The following JMJD1C variants were observed in gnomAD, a reference collection of about 807,000 sequenced individuals.
JMJD1C encodes jumonji domain-containing protein 1C.
JMJD1C carries 31 observed loss-of-function variants against 245.3 expected under a neutral mutation model. The ratio of observed to expected loss-of-function variants is 0.13; its 90% CI spans 0.09 to 0.17. The LOEUF (loss-of-function observed/expected upper bound fraction) is 0.17, where lower values mean the gene tolerates loss of function less well. Ranked by LOEUF, JMJD1C falls within the 10% of genes least tolerant of loss-of-function variation. The pLI, the probability that JMJD1C is intolerant of heterozygous loss-of-function variation, is 1.00. For synonymous variants in JMJD1C, 1,057 were observed against 1,017.4 expected (o/e 1.04, Z -0.74); for missense variants, 2,691 against 3,000.2 (o/e 0.90, Z 2.41).
intron 2 of JMJD1C, among the ~76,000 whole-genome samples, chr10:63,307,590 A>AT (rs1443123401): frequency 6.6e-6 from 1 of 152,166 alleles, no homozygotes; most frequent in African/African-American, 2.4e-5. Context: ...ACTGTATGCC[A>AT]TAGAATCTTA....
At chr10:63,518,948 T>TG (rs1247840363) in intron 1 of JMJD1C, among the ~76,000 whole-genome samples, 2 of 152,374 alleles carry the variant, frequency 1.3e-5, no homozygotes, top group East Asian at 3.9e-4. Context: ...CTGTTACCAA[T>TG]GACCTATGTG....
intron 2 of JMJD1C, among the ~76,000 whole-genome samples, chr10:63,348,366 G>T (rs554878290): frequency 6.8e-4 from 103 of 152,194 alleles, no homozygotes; most frequent in African/African-American, 2.4e-3. Context: ...CTGGCTATCT[G>T]AACTAAAACT....
intron 3 of JMJD1C, among the ~76,000 whole-genome samples, chr10:63,224,976 C>G (rs111621499): frequency 6.6e-6 from 1 of 151,756 alleles, no homozygotes; most frequent in African/African-American, 2.4e-5. Context: ...GCAGGAGAAT[C>G]GCTTGAACCC....
At chr10:63,393,772 T>C (rs1948260909) in intron 1 of JMJD1C, among the ~76,000 whole-genome samples, 1 of 152,218 alleles carries the variant, frequency 6.6e-6, no homozygotes, top group Non-Finnish European at 1.5e-5. Flanking sequence ...AAATTTTGTG[T>C]ACCTTCTAAA....
rs71025129 is a variant in JMJD1C at position 63,234,493 on chromosome 10, T to TAAAAAAAAAAAAAAAAAAAAAA, written c.448-14532_448-14511dup. Reference sequence around the variant, plus strand: ...TCATCAACAGAGAGAAACCTCCTCTTAAAAAAAAAAAAAAAAAAAAAAAAA... The same window carrying TAAAAAAAAAAAAAAAAAAAAAA: ...TCATCAACAGAGAGAAACCTCCTCTTAAAAAAAAAAAAAAAAAAAAAAAAAAAAAAAAAAAAAAAAAAAAAAA... On this transcript the variant is annotated intron_variant, in intron 3 of 25. Coordinates refer to ENST00000399262, the MANE Select transcript of JMJD1C (RefSeq NM_032776.3). 1.6e-4 allele frequency among the ~76,000 whole-genome samples: 6 copies of TAAAAAAAAAAAAAAAAAAAAAA among 37,036 alleles called. No homozygotes were observed. The East Asian group carries it at 2.8e-3, about 17-fold the overall frequency. The allele number at this position is 37,036 out of a possible 152,430, so 24.3% of individuals were successfully genotyped here.
chr10:63,492,621 C>A (rs1954213192), intron 1 of JMJD1C, among the ~76,000 whole-genome samples: 1 of 151,914 alleles, frequency 6.6e-6, no homozygotes, highest in African/African-American at 2.4e-5. Flanking sequence ...TGGCAGTAAG[C>A]CAAGATTGCG....
intron 1 of JMJD1C, among the ~76,000 whole-genome samples, chr10:63,437,892 C>T (rs1589748312): frequency 1.3e-5 from 2 of 152,180 alleles, no homozygotes; most frequent in Non-Finnish European, 2.9e-5. Flanking sequence ...CTGAACATCA[C>T]TTCTGGATTT....
intron 2 of JMJD1C, among the ~76,000 whole-genome samples, chr10:63,270,638 T>C (rs1317577410): frequency 6.6e-6 from 1 of 152,068 alleles, no homozygotes; most frequent in East Asian, 1.9e-4. Flanking sequence ...AGCTAACTCT[T>C]TGTATTTTTT....
chr10:63,256,990 G>A (rs1183384735), intron 3 of JMJD1C, among the ~76,000 whole-genome samples: 2 of 151,998 alleles, frequency 1.3e-5, no homozygotes, highest in East Asian at 1.9e-4. Context: ...ATCCGAACAC[G>A]TTGGGAGGCC....
chr10:63,458,779 A>G (rs1952588564), intron 1 of JMJD1C, among the ~76,000 whole-genome samples: 1 of 151,044 alleles, frequency 6.6e-6, no homozygotes. Flanking sequence ...GCTAGAGTGC[A>G]GTGGCATGAT....
intron 23 of JMJD1C, 91 bp from the exon 24 acceptor site, chr10:63,176,564 ATCTTT>A: frequency 2.1e-6 from 2 of 942,048 alleles, no homozygotes; most frequent in East Asian, 5.1e-5. Context: ...GTAATAACAA[ATCTTT>A]TCTTCTCAGA....
rs146708364 is a variant in JMJD1C, at chr10:63,250,782, C to T, written c.447+13869G>A. ...AAGGGAGAGTATCTCACTCCGTTAC[C>T]CTGGCTTGAGTGCAGTGGCACAATC... On this transcript the variant is annotated intron_variant, in intron 3 of 25. Transcript: ENST00000399262. Among the ~76,000 whole-genome samples the T allele has an allele frequency of 6.3e-3, 966 of 152,168 alleles. 5 individuals carry two copies. The highest frequency in any genetic ancestry group is 0.011 in the Non-Finnish European group (772 of 67,996).
rs556772950 is a variant in JMJD1C at position 63,174,606 on chromosome 10, G to A, written c.7401+1691C>T. On this transcript the variant is annotated intron_variant, in intron 24 of 25. Transcript: ENST00000399262. ...CCCAGCACTTTGGGAGGCCAAGGCA[G>A]ACAGATTACCTGAAGTCAGGAGTTC... Among the ~76,000 whole-genome samples, 373 of 152,300 alleles carry A rather than the reference G, an allele frequency of 2.4e-3. 1 individual carries two copies. The highest frequency in any genetic ancestry group is 4.4e-3 in the Non-Finnish European group (298 of 68,030).
intron 1 of JMJD1C, among the ~76,000 whole-genome samples, chr10:63,435,682 C>T (rs1951020717): frequency 6.6e-6 from 1 of 152,104 alleles, no homozygotes; most frequent in Non-Finnish European, 1.5e-5. Flanking sequence ...CGTGGACTGG[C>T]TGAGGTCAGG....
intron 1 of JMJD1C, among the ~76,000 whole-genome samples, chr10:63,430,944 G>A (rs148052361): frequency 1.3e-5 from 2 of 152,170 alleles, no homozygotes; most frequent in Admixed American, 6.5e-5. Context: ...CGATGAAGAC[G>A]AACTCCTGGG....
chr10:63,439,714 C>T (rs1218359094), intron 1 of JMJD1C, among the ~76,000 whole-genome samples: 1 of 152,092 alleles, frequency 6.6e-6, no homozygotes, highest in Admixed American at 6.5e-5. Flanking sequence ...GAAAAACAGA[C>T]CGTATAATTC....
chr10:63,196,763 C>T (rs1418735537), intron 13 of JMJD1C, among the ~76,000 whole-genome samples: 1 of 152,058 alleles, frequency 6.6e-6, no homozygotes, highest in Non-Finnish European at 1.5e-5. Flanking sequence ...TCCAAAATTG[C>T]CTTGGATAAT....
At chr10:63,292,144 A>ATGTTTTTTTTTTTTT (rs1858836436) in intron 2 of JMJD1C, among the ~76,000 whole-genome samples, 1 of 56,324 alleles carries the variant, frequency 1.8e-5, no homozygotes, top group African/African-American at 7.4e-5. Flanking sequence ...GTAGAGACAG[A>ATGTTTTTTTTTTTTT]TTTTTTTTTT....
intron 11 of JMJD1C, 149 bp from the exon 12 acceptor site, chr10:63,198,876 C>T (rs1845725908): frequency 6.1e-6 from 3 of 495,824 alleles, no homozygotes; most frequent in Non-Finnish European, 1.0e-5. Context: ...TCTTCACACA[C>T]TAATTATTGA....
Sources: gnomAD v4.1 joint callset for allele counts (sites outside exome capture counted in the v4.1 genomes callset) on GRCh38, gnomAD v4.1.1 for gene constraint, MANE v1.5 for transcripts, NCBI Gene and HGNC (gene_info 2026-07-23, HGNC 2026-07-21) for gene names.